Variants in KIF6 observed in about 807,000 individuals in gnomAD.
KIF6 encodes the protein kinesin family member 6.
Under a neutral mutation model 112.7 loss-of-function variants are expected in KIF6, and 106 were observed. That is an observed-to-expected ratio of 0.94 (90% confidence interval 0.80 to 1.11). The LOEUF (loss-of-function observed/expected upper bound fraction) is 1.11, where lower values mean the gene tolerates loss of function less well. Among genes scored for constraint, KIF6 ranks in the 50% least tolerant of loss-of-function variants. KIF6 has a pLI of 0.00. For missense variants in KIF6, 929 were observed against 964.0 expected, an observed-to-expected ratio of 0.96 and a Z score of 0.48; for synonymous variants, 339 against 339.9, an observed-to-expected ratio of 1.00 and a Z score of 0.03.
intron 18 of KIF6, among the ~76,000 whole-genome samples, chr6:39,359,593 A>ATTATTG (rs1261408081): frequency 2.6e-5 from 4 of 152,008 alleles, no homozygotes; most frequent in Non-Finnish European, 5.9e-5. Flanking sequence ...TATTATTATT[A>ATTATTG]TTATTATTTT....
intron 14 of KIF6, among the ~76,000 whole-genome samples, chr6:39,428,526 C>A (rs574583848): frequency 3.9e-5 from 6 of 152,342 alleles, no homozygotes; most frequent in African/African-American, 1.4e-4. Flanking sequence ...TTCAGCTTCA[C>A]TGGATTCACT....
chr6:39,388,014 G>T (rs1448444122), intron 15 of KIF6, among the ~76,000 whole-genome samples: 2 of 152,076 alleles, frequency 1.3e-5, no homozygotes, highest in Non-Finnish European at 1.5e-5. Context: ...TCATATGACT[G>T]GGTACTGCCT....
At chr6:39,606,118 CT>C (rs1582255206) in intron 6 of KIF6, among the ~76,000 whole-genome samples, 1 of 151,770 alleles carries the variant, frequency 6.6e-6, no homozygotes, top group Non-Finnish European at 1.5e-5. Flanking sequence ...TCTTCCTCTT[CT>C]TTTTCCCTCC....
At chr6:39,677,133 T>G (rs1787191031) in intron 3 of KIF6, among the ~76,000 whole-genome samples, 1 of 152,144 alleles carries the variant, frequency 6.6e-6, no homozygotes, top group Admixed American at 6.6e-5. Context: ...TTATATAATA[T>G]TCTGTACTGT....
chr6:39,406,896 G>A (rs1027074908), intron 15 of KIF6, among the ~76,000 whole-genome samples: 1 of 152,146 alleles, frequency 6.6e-6, no homozygotes. Flanking sequence ...CTATAGGCAT[G>A]TGCCACCATG....
rs780986396 is a variant in KIF6 at position 39,613,296 on chromosome 6, G to A, written c.532C>T (p.Pro178Ser). 1.2e-6 allele frequency: 2 copies of A among 1,600,304 alleles called. No homozygotes were observed. Residue 178 changes from proline (P) to serine (S), a missense_variant, in exon 6 of 23, where the codon CCT (proline) becomes TCT (serine). By Grantham distance (74) the Pro-to-Ser change is moderately conservative. Transcript: ENST00000287152. ...DLPKVTILED[P>S]DQNIHLKNLT... ...TTTTTCAGGTGAATGTTCTGATCAGGATCCTCCAGTATTGTCACTTTCCTA... is the reference window on the plus strand; with the variant it reads ...TTTTTCAGGTGAATGTTCTGATCAGAATCCTCCAGTATTGTCACTTTCCTA...
chr6:39,660,309 GT>G (rs1475657983), intron 3 of KIF6, among the ~76,000 whole-genome samples: 1 of 152,168 alleles, frequency 6.6e-6, no homozygotes, highest in African/African-American at 2.4e-5. Context: ...TAAAATTCAT[GT>G]GCTGTCACAG....
intron 13 of KIF6, among the ~76,000 whole-genome samples, chr6:39,520,278 A>T (rs183004859): frequency 7.2e-5 from 11 of 152,342 alleles, no homozygotes; most frequent in African/African-American, 2.6e-4. Context: ...GTGTGTCTCA[A>T]ATATTGCATA....
At chr6:39,633,993 C>A (rs963125992) in intron 5 of KIF6, among the ~76,000 whole-genome samples, 4 of 152,064 alleles carry the variant, frequency 2.6e-5, no homozygotes, top group Non-Finnish European at 5.9e-5. Flanking sequence ...CCTATTTCTT[C>A]GAATATATTC....
chr6:39,535,519 T>C (rs1204586241), intron 13 of KIF6, among the ~76,000 whole-genome samples: 2 of 152,354 alleles, frequency 1.3e-5, no homozygotes, highest in East Asian at 1.9e-4. Context: ...CTAACTATCC[T>C]AAATATATAT....
chr6:39,630,463 T>C (rs1784299086), intron 5 of KIF6, among the ~76,000 whole-genome samples: 1 of 152,056 alleles, frequency 6.6e-6, no homozygotes, highest in African/African-American at 2.4e-5. Context: ...AGTATTGTGT[T>C]TTACATTTTA....
At chr6:39,603,345 G>A (rs1782679304) in intron 6 of KIF6, among the ~76,000 whole-genome samples, 1 of 152,136 alleles carries the variant, frequency 6.6e-6, no homozygotes, top group African/African-American at 2.4e-5. Context: ...TTGAGGCCAG[G>A]AGAGAGGTGC....
In KIF6 at chr6:39,659,712, G is replaced by A. The variant is rs140133613; in HGVS notation, c.252-19955C>T. ...ATGTGAAGAAGGACATGTTTGCTTCGCCTTCTGCCATGATTGTAAGTTTTC... is the reference window on the plus strand; with the variant it reads ...ATGTGAAGAAGGACATGTTTGCTTCACCTTCTGCCATGATTGTAAGTTTTC... On this transcript the variant is annotated intron_variant, in intron 3 of 22. Coordinates refer to ENST00000287152, the MANE Select transcript of KIF6 (RefSeq NM_145027.6). Among the ~76,000 whole-genome samples, 1,250 of 152,164 alleles carry A rather than the reference G, an allele frequency of 8.2e-3. 16 individuals carry two copies. The highest frequency in any genetic ancestry group is 0.028 in the African/African-American group (1,169 of 41,514).
In KIF6 at chr6:39,389,293, G is replaced by GTGA. The variant is rs143371671; in HGVS notation, c.1811-3624_1811-3622dup. On this transcript the variant is annotated intron_variant, in intron 15 of 22. Transcript: ENST00000287152. ...CGCATGCTAGTTTGAGATTATTCAC[G>GTGA]TGAACGCTGCTTGGCTGGCCTGGAG... is the stretch of plus-strand genomic sequence containing the variant. 2.1e-3 allele frequency among the ~76,000 whole-genome samples: 326 copies of GTGA among 152,220 alleles called. 13 individuals carry two copies. In the East Asian group the frequency reaches 0.054, roughly 25 times the overall value.
chr6:39,535,315 C>A (rs1281444364), intron 13 of KIF6, among the ~76,000 whole-genome samples: 5 of 152,096 alleles, frequency 3.3e-5, no homozygotes, highest in African/African-American at 1.2e-4. Flanking sequence ...ATTCAGGAAA[C>A]CCATCTCATG....
intron 13 of KIF6, among the ~76,000 whole-genome samples, chr6:39,439,504 C>T (rs1264117455): frequency 3.9e-5 from 6 of 152,128 alleles, no homozygotes; most frequent in Admixed American, 6.5e-5. Flanking sequence ...ATTGCAATTT[C>T]GGTTGTAAGT....
chr6:39,446,644 C>A (rs899130089), intron 13 of KIF6, among the ~76,000 whole-genome samples: 2 of 152,156 alleles, frequency 1.3e-5, no homozygotes, highest in African/African-American at 4.8e-5. Flanking sequence ...CAGGTGCCAC[C>A]AGGCCCATCT....
At chr6:39,385,425 C>T (rs543155988) in intron 16 of KIF6, among the ~76,000 whole-genome samples, 197 bp downstream of exon 16, 41 of 152,030 alleles carry the variant, frequency 2.7e-4, no homozygotes, top group Admixed American at 1.1e-3. Flanking sequence ...GATGGCCAGG[C>T]GCAAGAACAC....
intron 9 of KIF6, among the ~76,000 whole-genome samples, chr6:39,579,874 CTA>C (rs1003869001): frequency 1.3e-5 from 2 of 151,662 alleles, no homozygotes; most frequent in African/African-American, 4.8e-5. Context: ...GTTTATTTTA[CTA>C]TATATGGCAA....
Sources: allele counts gnomAD v4.1 joint callset (sites outside exome capture counted in the v4.1 genomes callset), GRCh38; gene constraint gnomAD v4.1.1; transcripts MANE v1.5; gene names NCBI Gene and HGNC (gene_info 2026-07-23, HGNC 2026-07-21).